ABTB2: variants seen among roughly 807,000 people sequenced by gnomAD.
The protein encoded by ABTB2 is ankyrin repeat and BTB/POZ domain-containing protein 2.
A neutral mutation model predicts 104.1 loss-of-function variants in ABTB2; 56 were observed. That is an observed-to-expected ratio of 0.54 (90% CI 0.43 to 0.67). The LOEUF (loss-of-function observed/expected upper bound fraction) is 0.67. Among genes scored for constraint, ABTB2 ranks in the 30% least tolerant of loss-of-function variants. The pLI is 0.00. For synonymous variants in ABTB2, 606 were observed against 608.2 expected (o/e 1.00, Z 0.05); for missense variants, 1,279 against 1,407.7 (o/e 0.91, Z 1.46).
At chr11:34,177,942 G>A (rs1029221707) in intron 3 of ABTB2, among the ~76,000 whole-genome samples, 1 of 152,054 alleles carries the variant, frequency 6.6e-6, no homozygotes, top group Non-Finnish European at 1.5e-5. Context: ...AGTTCCAGGC[G>A]CTGTCTCAGG....
chr11:34,229,053 G>T (rs575018663), intron 1 of ABTB2, among the ~76,000 whole-genome samples: 1 of 148,958 alleles, frequency 6.7e-6, no homozygotes, highest in African/African-American at 2.5e-5. Flanking sequence ...TGGGGGTGCG[G>T]AGGTTGCAGT....
intron 1 of ABTB2, among the ~76,000 whole-genome samples, chr11:34,219,676 C>T (rs1853592765): frequency 6.6e-6 from 1 of 152,182 alleles, no homozygotes; most frequent in South Asian, 2.1e-4. Context: ...CAATTGTCTA[C>T]AGCATTCAGT....
chr11:34,310,903 G>A (rs1854844536), intron 1 of ABTB2, among the ~76,000 whole-genome samples: 1 of 152,196 alleles, frequency 6.6e-6, no homozygotes, highest in East Asian at 1.9e-4. Flanking sequence ...GTGTGCATTT[G>A]TGCTGTTTTT....
intron 1 of ABTB2, among the ~76,000 whole-genome samples, chr11:34,283,920 T>C (rs998023764): frequency 1.3e-5 from 2 of 152,248 alleles, no homozygotes; most frequent in South Asian, 2.1e-4. Flanking sequence ...GCCAGTTTTA[T>C]GGAAGTAAGT....
chr11:34,231,696 A>G (rs1853771262), intron 1 of ABTB2, among the ~76,000 whole-genome samples: 1 of 152,230 alleles, frequency 6.6e-6, no homozygotes, highest in African/African-American at 2.4e-5. Context: ...TCAGCCTCCC[A>G]AGTAGCTGGG....
intron 1 of ABTB2, among the ~76,000 whole-genome samples, chr11:34,243,421 G>A (rs898062013): frequency 6.6e-6 from 1 of 152,116 alleles, no homozygotes; most frequent in Non-Finnish European, 1.5e-5. Flanking sequence ...ACAGGCGTGA[G>A]CCACCACGCC....
chr11:34,353,547 A>G (rs1290913048), intron 1 of ABTB2, among the ~76,000 whole-genome samples: 1 of 152,264 alleles, frequency 6.6e-6, no homozygotes, highest in Non-Finnish European at 1.5e-5. Context: ...GGGGACATCA[A>G]TACCAAATGA....
chr11:34,194,059 T>C (rs2473904), intron 3 of ABTB2, among the ~76,000 whole-genome samples: 29,227 of 152,138 alleles, frequency 0.19, 3,039 homozygotes, highest in African/African-American at 0.26. Context: ...TGAACACACG[T>C]CCCTTCCCTT....
At position 34,195,535 on chromosome 11, in the gene ABTB2, A is replaced by T. The variant is rs115764324; in HGVS notation, c.1244+1790T>A. 1.1e-3 allele frequency among the ~76,000 whole-genome samples: 173 copies of T among 152,316 alleles called. 1 individual carries two copies. The highest frequency in any genetic ancestry group is 3.9e-3 in the African/African-American group (163 of 41,568). ...TGACATAAGGATACTAGTACTGATA[A>T]CAGCAATGGTACCATTTACTGGGAC... On this transcript the variant is annotated intron_variant, in intron 3 of 16. Coordinates refer to ENST00000435224, the MANE Select transcript of ABTB2 (RefSeq NM_145804.3).
At chr11:34,238,006 G>A (rs775158473) in intron 1 of ABTB2, among the ~76,000 whole-genome samples, 5 of 152,120 alleles carry the variant, frequency 3.3e-5, no homozygotes, top group African/African-American at 4.8e-5. Flanking sequence ...TTCATTGTAT[G>A]CATGTATCAA....
intron 1 of ABTB2, among the ~76,000 whole-genome samples, chr11:34,275,637 G>A (rs1340188837): frequency 6.6e-6 from 1 of 152,146 alleles, no homozygotes; most frequent in Non-Finnish European, 1.5e-5. Flanking sequence ...CACTCAATGT[G>A]GATCCCGACT....
Position 34,197,570 on chromosome 11 carries a change from AAG to A in ABTB2, c.1031-34_1031-33del, listed in dbSNP as rs541915663. 1.4e-5 allele frequency: 19 copies of A among 1,403,760 alleles called. No homozygotes were observed. In the South Asian group the frequency reaches 2.4e-4, roughly 18 times the overall value. The allele number at this position is 1,403,760 out of a possible 1,614,324, so 87.0% of individuals were successfully genotyped here. On this transcript the variant is annotated intron_variant, in intron 2 of 16. Transcript: ENST00000435224. ...GGGGGCGGGGAGGGCAGAGGGGAGGAAGAGAAAAAAAGAAGACAAAGTCTGAG... is the reference window on the plus strand; with the variant it reads ...GGGGGCGGGGAGGGCAGAGGGGAGGAAGAAAAAAAGAAGACAAAGTCTGAG...
intron 1 of ABTB2, among the ~76,000 whole-genome samples, chr11:34,234,336 A>G (rs900160717): frequency 6.6e-6 from 1 of 152,012 alleles, no homozygotes; most frequent in African/African-American, 2.4e-5. Flanking sequence ...GAAATGGAGA[A>G]CTTTTAGATT....
chr11:34,331,512 TC>T (rs770154016), intron 1 of ABTB2, among the ~76,000 whole-genome samples: 5 of 152,196 alleles, frequency 3.3e-5, no homozygotes, highest in Non-Finnish European at 7.3e-5. Context: ...TAAGTCTGGG[TC>T]CCATGGTAAC....
rs548194656 is a variant in ABTB2 at position 34,173,023 on chromosome 11, T to C, written c.1397+132A>G. On this transcript the variant is annotated intron_variant, in intron 4 of 16. Transcript: ENST00000435224. ...GCTTGGCCTTTGCAGAGGACACCCTTAGAACAGCTCAAATGTGCTGCAGCC... is the reference window on the plus strand; with the variant it reads ...GCTTGGCCTTTGCAGAGGACACCCTCAGAACAGCTCAAATGTGCTGCAGCC... 1.1e-4 allele frequency: 126 copies of C among 1,187,050 alleles called. No individual in the cohort carries two copies. In the African/African-American group the frequency reaches 1.4e-3, roughly 14 times the overall value. The allele number at this position is 1,187,050 out of a possible 1,614,324, so 73.5% of individuals were successfully genotyped here. A position where few individuals can be genotyped will look rare whatever the true frequency, so the allele number is the denominator to read the frequency against.
chr11:34,330,378 A>T (rs1855113969), intron 1 of ABTB2, among the ~76,000 whole-genome samples: 1 of 152,234 alleles, frequency 6.6e-6, no homozygotes, highest in Admixed American at 6.5e-5. Flanking sequence ...ATGGGAACAA[A>T]TCAGAGTATT....
intron 1 of ABTB2, among the ~76,000 whole-genome samples, chr11:34,291,737 C>T (rs1299181059): frequency 1.3e-5 from 2 of 152,134 alleles, no homozygotes; most frequent in East Asian, 3.9e-4. Context: ...CTCAAGTGAT[C>T]CACCCACCTC....
At chr11:34,284,454 T>C (rs1001322139) in intron 1 of ABTB2, among the ~76,000 whole-genome samples, 1 of 152,222 alleles carries the variant, frequency 6.6e-6, no homozygotes, top group Non-Finnish European at 1.5e-5. Flanking sequence ...CACCCTTGGG[T>C]ACCTGGAAAA....
In ABTB2 at chr11:34,152,506, C is replaced by T. The variant is rs747667990; in HGVS notation, c.2959G>A (p.Ala987Thr). ...KHMKALLEQD[A>T]FRQLIYGRSS... ...CGGCCGTAGATGAGCTGCCGGAAGG[C>T]ATCCTGCTCCAGTAGGGCCTTCATG... The change falls in exon 17 of 17, where the codon GCC becomes ACC. Residue 987 changes from alanine (A) to threonine (T), a missense_variant. By Grantham distance (58) the Ala-to-Thr change is moderately conservative. Coordinates refer to ENST00000435224, the MANE Select transcript of ABTB2 (RefSeq NM_145804.3). 3 of 1,610,630 alleles carry T rather than the reference C, an allele frequency of 1.9e-6. No homozygotes were observed. The highest frequency in any genetic ancestry group is 1.1e-5 in the South Asian group (1 of 90,168).
Sources: allele counts gnomAD v4.1 joint callset (sites outside exome capture counted in the v4.1 genomes callset), GRCh38; gene constraint gnomAD v4.1.1; transcripts MANE v1.5; gene names NCBI Gene and HGNC (gene_info 2026-07-23, HGNC 2026-07-21).